IREB2: variants seen among roughly 807,000 people sequenced by gnomAD.
IREB2 encodes the protein iron responsive element binding protein 2.
IREB2 carries 39 observed loss-of-function variants against 118.8 expected under a neutral mutation model. The observed-to-expected ratio is 0.33, with a 90% confidence interval of 0.25 to 0.43. IREB2 has a LOEUF of 0.43. IREB2 is among the 20% of genes least tolerant of loss of function. The pLI is 1.00. For synonymous variants in IREB2, 372 were observed against 392.2 expected (o/e 0.95, Z 0.61); for missense variants, 900 against 1,147.3 (o/e 0.78, Z 3.11).
rs772355391 is a variant in IREB2, at chr15:78,488,661, G to A, written c.1966G>A (p.Gly656Ser). Residue 656 changes from glycine to serine, a missense_variant, in exon 16 of 22, where the codon GGC becomes AGC. Coordinates refer to ENST00000258886, the MANE Select transcript of IREB2 (RefSeq NM_004136.4). ...ATTTTAACCAGGTACTGACCCCACC[G>A]GCAAGAACATTTACCTGCATGATAT... ...QTEPLGTDPTGKNIYLHDIWP... is the reference protein window; with the variant it reads ...QTEPLGTDPTSKNIYLHDIWP... The A allele has an allele frequency of 1.2e-5, 20 of 1,609,786 alleles. No homozygotes were observed. The Admixed American group carries it at 2.7e-4, about 22-fold the overall frequency.
At chr15:78,448,755 T>C (rs1163000163) in intron 2 of IREB2, among the ~76,000 whole-genome samples, 1 of 152,204 alleles carries the variant, frequency 6.6e-6, no homozygotes, top group Non-Finnish European at 1.5e-5. Flanking sequence ...TGCTCTGGTG[T>C]CCTAGCCCCC....
At chr15:78,480,393 C>T (rs1403079424) in intron 10 of IREB2, 1 of 152,100 alleles carries the variant, frequency 6.6e-6, no homozygotes. Flanking sequence ...CTGTTAAAAA[C>T]CCTTGGCCAG....
chr15:78,440,797 C>T (rs2050833304), intron 2 of IREB2, among the ~76,000 whole-genome samples: 1 of 152,158 alleles, frequency 6.6e-6, no homozygotes, highest in African/African-American at 2.4e-5. Context: ...AACCTACACA[C>T]CTGCAGTTTT....
In IREB2 at chr15:78,476,255, C is replaced by G. The variant is rs2051468437; in HGVS notation, c.1091C>G (p.Ser364Cys). Residue 364 changes from serine (S) to cysteine (C), a missense_variant, in exon 9 of 22, where the codon TCT becomes TGT. By Grantham distance (112) the Ser-to-Cys change is moderately radical. Transcript: ENST00000258886. Reference protein sequence around the residue: ...EFFGSGVSQLSIVDRTTIANM... With the variant: ...EFFGSGVSQLCIVDRTTIANM... ...TTTGGAAGTGGAGTTTCACAATTAT[C>G]TATAGTTGATCGAACTACAATAGCA... 2.5e-6 allele frequency: 4 copies of G among 1,608,634 alleles called. No homozygotes were observed. Among genetic ancestry groups the G allele is most frequent in the Admixed American group, 1.7e-5 (1 of 59,958 alleles).
In IREB2 at chr15:78,441,057, A is replaced by C. The variant is rs931615980; in HGVS notation, c.106+1176A>C. On this transcript the variant is annotated intron_variant, in intron 2 of 21. Transcript: ENST00000258886. ...TGCAGTCAGTTTTGGAAGGAGCTTT[A>C]ATCTTGTTTTTTCTTGCATTATTTA... Among the ~76,000 whole-genome samples the C allele has an allele frequency of 3.3e-5, 5 of 152,304 alleles. No homozygotes were observed. In the East Asian group the frequency reaches 9.6e-4, roughly 29 times the overall value.
intron 2 of IREB2, among the ~76,000 whole-genome samples, chr15:78,454,888 T>C (rs1471257022): frequency 2.0e-5 from 3 of 152,148 alleles, no homozygotes; most frequent in Non-Finnish European, 1.5e-5. Context: ...GAGATGATCT[T>C]GTTATGTTGC....
At chr15:78,481,264 G>T (rs746353652) in intron 10 of IREB2, among the ~76,000 whole-genome samples, 2 of 152,150 alleles carry the variant, frequency 1.3e-5, no homozygotes, top group South Asian at 2.1e-4. Flanking sequence ...GTGCAGTGGC[G>T]TGATCACGGC....
At chr15:78,472,097 A>T (rs1441164904) in intron 7 of IREB2, among the ~76,000 whole-genome samples, 173 bp downstream of exon 7, 1 of 152,198 alleles carries the variant, frequency 6.6e-6, no homozygotes, top group Non-Finnish European at 1.5e-5. Context: ...CAGTGTTGTA[A>T]AAGAGGATTT....
At chr15:78,492,806 C>T (rs2051773963) in intron 18 of IREB2, among the ~76,000 whole-genome samples, 4 of 152,180 alleles carry the variant, frequency 2.6e-5, no homozygotes, top group Admixed American at 2.6e-4. Context: ...GCATTCCTCC[C>T]ACTTTGGCCT....
In IREB2 at chr15:78,484,868, T is replaced by C. The variant is rs1292949677; in HGVS notation, c.1521T>C (p.Ala507=). The change falls in exon 12 of 22, where the codon GCT becomes GCC. Residue 507 remains alanine, a synonymous_variant. Coordinates refer to ENST00000258886, the MANE Select transcript of IREB2 (RefSeq NM_004136.4). ...YKLSHGSVVI[A]AVISCTNNCN... ...TGTCTCATGGATCAGTGGTCATTGC[T>C]GCAGTTATCAGTTGTACCAATAATT... The C allele has an allele frequency of 1.9e-6, 3 of 1,613,926 alleles. No homozygotes were observed. The highest frequency in any genetic ancestry group is 1.7e-6 in the Non-Finnish European group (2 of 1,179,938).
chr15:78,480,029 T>G (rs1307043930), intron 10 of IREB2: 1 of 152,226 alleles, frequency 6.6e-6, no homozygotes, highest in East Asian at 1.9e-4. Context: ...TGTCAAGGAT[T>G]TCTAACAACA....
chr15:78,491,113 A>G (rs1446702042), intron 18 of IREB2, among the ~76,000 whole-genome samples: 2 of 152,004 alleles, frequency 1.3e-5, no homozygotes, highest in Non-Finnish European at 2.9e-5. Flanking sequence ...TTTGGTTAAA[A>G]CCAGCTTCCC....
Position 78,484,827 on chromosome 15 carries a change from G to A in IREB2, c.1480G>A (p.Gly494Arg). Residue 494 changes from glycine to arginine, a missense_variant, in exon 12 of 22, where the codon GGA (glycine) becomes AGA (arginine). Coordinates refer to ENST00000258886, the MANE Select transcript of IREB2 (RefSeq NM_004136.4). ...GGATATTGTCTCCATTCATTATGAAGGAAGTGAATATAAGCTGTCTCATGG... is the reference window on the plus strand; with the variant it reads ...GGATATTGTCTCCATTCATTATGAAAGAAGTGAATATAAGCTGTCTCATGG... ...QKDIVSIHYEGSEYKLSHGSV... is the reference protein window; with the variant it reads ...QKDIVSIHYERSEYKLSHGSV... 2 of 1,612,840 alleles carry A rather than the reference G, an allele frequency of 1.2e-6. No individual in the cohort carries two copies. The highest frequency in any genetic ancestry group is 1.7e-6 in the Non-Finnish European group (2 of 1,178,936).
intron 14 of IREB2, 83 bp downstream of exon 14, chr15:78,487,900 G>A (rs2141518639): frequency 3.4e-6 from 3 of 888,006 alleles, no homozygotes; most frequent in South Asian, 1.6e-5. Flanking sequence ...ATATATTGAT[G>A]TGTTTATATT....
chr15:78,448,654 A>G (rs1418384151), intron 2 of IREB2, among the ~76,000 whole-genome samples: 1 of 152,204 alleles, frequency 6.6e-6, no homozygotes, highest in African/African-American at 2.4e-5. Context: ...ATGGGATTAC[A>G]GGGCCTTCTA....
chr15:78,495,947 T>G (rs2051831182), intron 20 of IREB2, among the ~76,000 whole-genome samples: 1 of 152,190 alleles, frequency 6.6e-6, no homozygotes, highest in Non-Finnish European at 1.5e-5. Flanking sequence ...AGCCTTTGGC[T>G]CATTTTTTCC....
intron 7 of IREB2, 40 bp downstream of exon 7, chr15:78,471,964 A>G (rs771628589): frequency 6.5e-6 from 9 of 1,394,462 alleles, no homozygotes; most frequent in Non-Finnish European, 8.7e-6. Context: ...CTTTTGGGGT[A>G]AGGATGTCAA....
intron 2 of IREB2, among the ~76,000 whole-genome samples, chr15:78,445,140 T>TTA (rs1555448661): frequency 2.1e-5 from 3 of 145,022 alleles, no homozygotes; most frequent in Non-Finnish European, 1.5e-5. Flanking sequence ...GTCTTTATTT[T>TTA]TTTTTTTTTT....
chr15:78,449,696 A>T (rs1047216309), intron 2 of IREB2, among the ~76,000 whole-genome samples: 3 of 152,230 alleles, frequency 2.0e-5, no homozygotes, highest in African/African-American at 4.8e-5. Context: ...TGTGTTTTCT[A>T]ATCTTTGCAG....
Sources: allele counts gnomAD v4.1 joint callset (sites outside exome capture counted in the v4.1 genomes callset), GRCh38; gene constraint gnomAD v4.1.1; transcripts MANE v1.5; gene names NCBI Gene and HGNC (gene_info 2026-07-23, HGNC 2026-07-21).